IL3RA: variants seen among roughly 807,000 people sequenced by gnomAD.
The protein encoded by IL3RA is interleukin 3 receptor subunit alpha.
IL3RA carries 73 observed loss-of-function variants against 52.3 expected under a neutral mutation model. That is an observed-to-expected ratio of 1.40 (90% confidence interval 1.16 to 1.70). IL3RA has a LOEUF of 1.70. IL3RA is among the 40% of genes most tolerant of loss of function. The pLI is 0.00. For synonymous variants in IL3RA, 260 were observed against 194.0 expected (o/e 1.34, Z -2.83); for missense variants, 664 against 504.4 (o/e 1.32, Z -3.03).
chrX:1,349,135 G>A (rs746543445), intron 4 of IL3RA, among the ~76,000 whole-genome samples: 23 of 151,024 alleles, frequency 1.5e-4, no homozygotes, highest in South Asian at 4.2e-4. Flanking sequence ...AGCCTCCCAC[G>A]TAGGTGGAAC....
At chrX:1,362,352 T>C (rs1489229663) in intron 8 of IL3RA, among the ~76,000 whole-genome samples, 3 of 151,492 alleles carry the variant, frequency 2.0e-5, no homozygotes, top group Non-Finnish European at 2.9e-5. Flanking sequence ...TCTCTGTCTC[T>C]CTCTGTCCAT....
At chrX:1,368,685 A>G (rs1420393009) in intron 9 of IL3RA, among the ~76,000 whole-genome samples, 1 of 152,070 alleles carries the variant, frequency 6.6e-6, no homozygotes. Context: ...ACACAGACAC[A>G]CACAGAGGGA....
intron 6 of IL3RA, among the ~76,000 whole-genome samples, chrX:1,355,544 C>G (rs2086643656): frequency 6.7e-6 from 1 of 148,322 alleles, no homozygotes; most frequent in African/African-American, 2.5e-5. Flanking sequence ...GCCGGACACA[C>G]AGGGCTGGGC....
chrX:1,349,221 CA>C (rs2085965741), intron 4 of IL3RA, among the ~76,000 whole-genome samples: 1 of 151,066 alleles, frequency 6.6e-6, no homozygotes. Context: ...TCACTCTGTC[CA>C]CCAGGCTGGA....
At chrX:1,352,051 C>G (rs1288333333) in intron 4 of IL3RA, 49 bp from the exon 5 acceptor site, 1 of 1,598,420 alleles carries the variant, frequency 6.3e-7, no homozygotes. Context: ...AGGCGTGAGC[C>G]ACCGCGCCCG....
chrX:1,348,328 G>C lies in IL3RA; in HGVS notation c.184-103G>C. ...AGATCACGCCACTGCACTCCAGCGT[G>C]GGCGACGAGAGCGAAACTCTGCCTC... On this transcript the variant is annotated intron_variant, in intron 3 of 11. Transcript: ENST00000331035. The C allele has an allele frequency of 7.9e-6, 7 of 886,362 alleles. No homozygotes were observed. In the Admixed American group the frequency reaches 8.7e-5, roughly 11 times the overall value. 54.9% of individuals were successfully genotyped at this position (886,362 alleles called of 1,614,324 possible). A position where few individuals can be genotyped will look rare whatever the true frequency, so the allele number is the denominator to read the frequency against.
intron 2 of IL3RA, 90 bp downstream of exon 2, chrX:1,341,919 CT>C (rs1675272865): frequency 1.5e-6 from 2 of 1,367,758 alleles, no homozygotes; most frequent in African/African-American, 2.8e-5. Context: ...TTCAGGGAAA[CT>C]TTTCATGCTG....
intron 11 of IL3RA, among the ~76,000 whole-genome samples, chrX:1,381,342 G>A (rs1455465798): frequency 6.6e-6 from 1 of 152,096 alleles, no homozygotes; most frequent in African/African-American, 2.4e-5. Context: ...AGGCTGCAGT[G>A]AACTACGATC....
At chrX:1,368,785 A>G (rs28869836) in intron 9 of IL3RA, among the ~76,000 whole-genome samples, 44,847 of 118,324 alleles carry the variant, frequency 0.38, 4,675 homozygotes, top group African/African-American at 0.57. Context: ...CCTGGATCTC[A>G]GACCTCCAGC....
chrX:1,349,586 G>A (rs147134477), intron 4 of IL3RA, among the ~76,000 whole-genome samples: 1,978 of 150,870 alleles, frequency 0.013, 53 homozygotes, highest in African/African-American at 0.045. Flanking sequence ...TGCAGGGATT[G>A]TAAGCATCAG....
At chrX:1,342,695 G>A (rs1312215024) in intron 2 of IL3RA, among the ~76,000 whole-genome samples, 1 of 150,302 alleles carries the variant, frequency 6.7e-6, no homozygotes, top group Non-Finnish European at 1.5e-5. Flanking sequence ...CAAGCACCTG[G>A]GATTACAGGT....
intron 6 of IL3RA, among the ~76,000 whole-genome samples, chrX:1,353,972 CCCCA>C (rs2086395058): frequency 1.4e-5 from 1 of 71,960 alleles, no homozygotes; most frequent in African/African-American, 5.2e-5. Context: ...GTCGTGGGAC[CCCCA>C]CCCCCATCAT....
intron 1 of IL3RA, among the ~76,000 whole-genome samples, chrX:1,341,301 GA>G (rs374398083): frequency 0.91 from 130,376 of 143,690 alleles, 59,741 homozygotes; most frequent in Non-Finnish European, 0.99. Context: ...TCTCCATCAG[GA>G]AAAAAAAAAA....
At chrX:1,343,847 G>A (rs751748122) in intron 2 of IL3RA, among the ~76,000 whole-genome samples, 2 of 147,056 alleles carry the variant, frequency 1.4e-5, no homozygotes, top group East Asian at 2.1e-4. Flanking sequence ...CCAGGCTGGA[G>A]TGCAGTGGCA....
rs773842084 is a variant in IL3RA, at chrX:1,381,560, G to C, written c.1062+456G>C. 2.3e-3 allele frequency among the ~76,000 whole-genome samples: 339 copies of C among 150,214 alleles called. 9 individuals are homozygous for C. In the East Asian group the frequency reaches 0.056, roughly 25 times the overall value. Reference sequence around the variant, plus strand: ...CAGATTTTTTTTTTTTTTTTTAGATGGAGTTTTGCTCTTGTTGCCCAGGCT... The same window carrying C: ...CAGATTTTTTTTTTTTTTTTTAGATCGAGTTTTGCTCTTGTTGCCCAGGCT... On this transcript the variant is annotated intron_variant, in intron 11 of 11. Transcript: ENST00000331035.
In IL3RA at chrX:1,345,445, C is replaced by G. The variant is rs1457477312; in HGVS notation, c.183+11C>G. The G allele has an allele frequency of 2.0e-6, 3 of 1,469,666 alleles. No homozygotes were observed. The highest frequency in any genetic ancestry group is 2.8e-6 in the Non-Finnish European group (3 of 1,072,490). 91.0% of individuals were successfully genotyped at this position (1,469,666 alleles called of 1,614,324 possible). ...GACTATTCTATGCCGGTAAATCATA[C>G]TCTCTATTGTTTTTTTATTTTTATT... On this transcript the variant is annotated intron_variant, in intron 3 of 11. Coordinates refer to ENST00000331035, the MANE Select transcript of IL3RA (RefSeq NM_002183.4).
chrX:1,353,555 G>A (rs1473011543), intron 6 of IL3RA, among the ~76,000 whole-genome samples: 1 of 146,636 alleles, frequency 6.8e-6, no homozygotes, highest in Non-Finnish European at 1.5e-5. Context: ...TGGGTCATAG[G>A]ATCCCCCATC....
chrX:1,347,249 T>C (rs1385300135), intron 3 of IL3RA, among the ~76,000 whole-genome samples: 3 of 149,802 alleles, frequency 2.0e-5, no homozygotes, highest in Non-Finnish European at 3.0e-5. Context: ...ATCGAGACCC[T>C]CCTGGCTAAC....
intron 11 of IL3RA, among the ~76,000 whole-genome samples, chrX:1,382,112 C>T (rs2089205218): frequency 6.6e-6 from 1 of 151,580 alleles, no homozygotes. Context: ...CCAACACACC[C>T]AGCTAATTCT....
Sources: gnomAD v4.1 joint callset for allele counts (sites outside exome capture counted in the v4.1 genomes callset) on GRCh38, gnomAD v4.1.1 for gene constraint, MANE v1.5 for transcripts, NCBI Gene and HGNC (gene_info 2026-07-23, HGNC 2026-07-21) for gene names.